Variants in STK32B observed in about 807,000 individuals in gnomAD.
STK32B encodes serine/threonine kinase 32B.
STK32B carries 43 observed loss-of-function variants against 52.6 expected under a neutral mutation model. That is an observed-to-expected ratio of 0.82 (90% CI 0.64 to 1.05). The LOEUF (loss-of-function observed/expected upper bound fraction) is 1.05, where lower values mean the gene tolerates loss of function less well. Among genes scored for constraint, STK32B ranks in the 50% least tolerant of loss-of-function variants. The probability of loss-of-function intolerance (pLI) is 0.00; values close to 1 mark genes in which losing one functional copy is unlikely to be tolerated. For synonymous variants in STK32B, 238 were observed against 204.3 expected, an observed-to-expected ratio of 1.17 and a Z score of -1.41; for missense variants, 621 against 534.6, an observed-to-expected ratio of 1.16 and a Z score of -1.59.
chr4:5,335,795 G>T (rs1173865084), intron 4 of STK32B, among the ~76,000 whole-genome samples: 1 of 151,972 alleles, frequency 6.6e-6, no homozygotes, highest in East Asian at 1.9e-4. Flanking sequence ...AGTTTTGAGT[G>T]AGTTTCTTAA....
At chr4:5,449,839 C>T (rs542905793) in intron 7 of STK32B, among the ~76,000 whole-genome samples, 4 of 152,178 alleles carry the variant, frequency 2.6e-5, no homozygotes, top group African/African-American at 9.7e-5. Flanking sequence ...TGATCTGTCA[C>T]TGTCTCCCAT....
intron 3 of STK32B, among the ~76,000 whole-genome samples, chr4:5,318,836 G>C (rs1025143484): frequency 6.6e-6 from 1 of 150,862 alleles, no homozygotes; most frequent in South Asian, 2.1e-4. Context: ...GTCTTGCTCT[G>C]TCGCCCACAC....
intron 2 of STK32B, among the ~76,000 whole-genome samples, chr4:5,156,664 G>C (rs941067037): frequency 6.6e-6 from 1 of 152,196 alleles, no homozygotes; most frequent in Non-Finnish European, 1.5e-5. Context: ...GGATTGGCAC[G>C]TGGGCCCTCT....
intron 7 of STK32B, among the ~76,000 whole-genome samples, chr4:5,452,190 C>G (rs943394768): frequency 1.3e-5 from 2 of 152,184 alleles, no homozygotes; most frequent in African/African-American, 4.8e-5. Flanking sequence ...CCTCCCTGAC[C>G]TGGTGTTAGC....
chr4:5,100,574 C>T (rs997841155), intron 1 of STK32B, among the ~76,000 whole-genome samples: 2 of 138,718 alleles, frequency 1.4e-5, no homozygotes, highest in African/African-American at 5.5e-5. Context: ...TTCCTCCTCC[C>T]TTGCCTGCCT....
chr4:5,476,691 T>C (rs796123761), intron 11 of STK32B, among the ~76,000 whole-genome samples: 6 of 152,062 alleles, frequency 3.9e-5, no homozygotes, highest in African/African-American at 1.4e-4. Context: ...CCTGTGAAAA[T>C]GACCTTATTT....
intron 3 of STK32B, among the ~76,000 whole-genome samples, chr4:5,283,337 G>C (rs1338035407): frequency 1.3e-5 from 2 of 151,692 alleles, no homozygotes; most frequent in Non-Finnish European, 2.9e-5. Flanking sequence ...GAATCAAAAA[G>C]AACAAAGAAG....
intron 7 of STK32B, among the ~76,000 whole-genome samples, chr4:5,447,761 TA>T (rs1715599164): frequency 6.6e-6 from 1 of 152,244 alleles, no homozygotes. Flanking sequence ...ATAACGGGGA[TA>T]ATAAGATCCT....
chr4:5,070,707 T>C (rs1377298290), intron 1 of STK32B, among the ~76,000 whole-genome samples: 1 of 152,190 alleles, frequency 6.6e-6, no homozygotes, highest in African/African-American at 2.4e-5. Context: ...AAGAGTTCCT[T>C]GGCGGTTCCA....
chr4:5,313,482 T>G (rs1415471925), intron 3 of STK32B, among the ~76,000 whole-genome samples: 1 of 152,054 alleles, frequency 6.6e-6, no homozygotes, highest in Non-Finnish European at 1.5e-5. Context: ...TACTCTTACT[T>G]AGTAAACTGC....
chr4:5,122,297 TTCATGCA>T, intron 1 of STK32B, among the ~76,000 whole-genome samples: 5 of 151,888 alleles, frequency 3.3e-5, no homozygotes, highest in African/African-American at 1.2e-4. Context: ...CACTCACCCA[TTCATGCA>T]TTACCTCATT....
At chr4:5,290,511 A>G (rs1728831496) in intron 3 of STK32B, among the ~76,000 whole-genome samples, 1 of 152,222 alleles carries the variant, frequency 6.6e-6, no homozygotes, top group Admixed American at 6.5e-5. Context: ...AATAATCTTT[A>G]TCTCCGTTAT....
At position 5,400,439 on chromosome 4, in the gene STK32B, C is replaced by T. The variant is rs1358434598; in HGVS notation, c.472+2195C>T. On this transcript the variant is annotated intron_variant, in intron 5 of 11. Transcript: ENST00000282908. This position sits in a 1 kb window ranked among gnomAD's most constrained non-coding sequence, Gnocchi z 6.1. ...ACAGTGTCCCAGCCCTGCCTTCTGGCTATGCAGCACCCCACACACTCCCCA... is the reference window on the plus strand; with the variant it reads ...ACAGTGTCCCAGCCCTGCCTTCTGGTTATGCAGCACCCCACACACTCCCCA... 6.6e-6 allele frequency among the ~76,000 whole-genome samples: 1 copy of T among 152,132 alleles called. No homozygotes were observed. The highest frequency in any genetic ancestry group is 1.9e-4 in the East Asian group (1 of 5,168).
intron 1 of STK32B, among the ~76,000 whole-genome samples, chr4:5,078,029 C>T (rs1712184225): frequency 6.6e-6 from 1 of 152,136 alleles, no homozygotes; most frequent in African/African-American, 2.4e-5. Flanking sequence ...CTTTTTCACA[C>T]ATCTCTTCTC....
intron 1 of STK32B, among the ~76,000 whole-genome samples, chr4:5,122,237 CACTCACATTTACTCATTT>C (rs1159205476): frequency 3.3e-5 from 5 of 152,142 alleles, no homozygotes; most frequent in African/African-American, 1.2e-4. Context: ...TTCACTCATT[CACTCACATTTACTCATTT>C]ACTCATTCAT....
chr4:5,262,408 C>G (rs1726769684), intron 3 of STK32B, among the ~76,000 whole-genome samples: 1 of 151,656 alleles, frequency 6.6e-6, no homozygotes, highest in Non-Finnish European at 1.5e-5. Flanking sequence ...AGGCGGATCA[C>G]AAGGTCAGGA....
At chr4:5,316,618 AT>A (rs1272398572) in intron 3 of STK32B, among the ~76,000 whole-genome samples, 4 of 15,904 alleles carry the variant, frequency 2.5e-4, no homozygotes, top group African/African-American at 6.4e-4. Context: ...TATATTATAT[AT>A]TATATATATA....
chr4:5,369,658 C>A (rs912089435), intron 4 of STK32B, among the ~76,000 whole-genome samples: 1 of 152,132 alleles, frequency 6.6e-6, no homozygotes, highest in Non-Finnish European at 1.5e-5. Context: ...TTCTGCTCTA[C>A]CCTCATGGTC....
At chr4:5,193,760 A>C (rs62290537) in intron 3 of STK32B, among the ~76,000 whole-genome samples, 1 of 152,196 alleles carries the variant, frequency 6.6e-6, no homozygotes. Flanking sequence ...ATTGTTCCCA[A>C]CAAATGTGCG....
Sources: allele counts gnomAD v4.1 joint callset (sites outside exome capture counted in the v4.1 genomes callset), GRCh38; gene constraint gnomAD v4.1.1; non-coding constraint Gnocchi (gnomAD v3.1); transcripts MANE v1.5; gene names NCBI Gene and HGNC (gene_info 2026-07-23, HGNC 2026-07-21).